Variants in NUDT3 observed in about 807,000 individuals in gnomAD.
The protein encoded by NUDT3 is nudix hydrolase 3, also known as diphosphoinositol polyphosphate phosphohydrolase 1.
NUDT3 carries 9 observed loss-of-function variants against 23.6 expected under a neutral mutation model. The observed-to-expected ratio is 0.38, with a 90% CI of 0.23 to 0.66. NUDT3 has a LOEUF of 0.66. Among genes scored for constraint, NUDT3 ranks in the 30% least tolerant of loss-of-function variants. The probability of loss-of-function intolerance (pLI) is 0.52; values close to 1 mark genes in which losing one functional copy is unlikely to be tolerated. For missense variants in NUDT3, 172 were observed against 218.5 expected (o/e 0.79, Z 1.34); for synonymous variants, 86 against 82.6 (o/e 1.04, Z -0.22).
chr6:34,350,211 T>C (rs538611569), intron 1 of NUDT3, among the ~76,000 whole-genome samples: 1 of 151,114 alleles, frequency 6.6e-6, no homozygotes, highest in East Asian at 1.9e-4. Context: ...ATCAGTTGCA[T>C]ACAGTAAAGC....
chr6:34,392,394 T>C lies in NUDT3; in HGVS notation c.-32A>G. The stretch of plus-strand genomic sequence containing the variant: ...GGCCCGGGTGGGGGTGCGGTGCGGG[T>C]CGCAGGAGTCGAGGGGTGGGGAGCC... On this transcript the variant is annotated 5_prime_UTR_variant, in exon 1 of 5. Coordinates refer to ENST00000607016, the MANE Select transcript of NUDT3 (RefSeq NM_006703.4). 1 of 1,554,688 alleles carries C rather than the reference T, an allele frequency of 6.4e-7. No homozygotes were observed. The highest frequency in any genetic ancestry group is 1.1e-5 in the South Asian group (1 of 87,488).
At chr6:34,295,009 CCT>C (rs1763478610) in intron 3 of NUDT3, among the ~76,000 whole-genome samples, 1 of 152,042 alleles carries the variant, frequency 6.6e-6, no homozygotes, top group African/African-American at 2.4e-5. Flanking sequence ...CCTTGTTTTT[CCT>C]CTCTTTGTTA....
In NUDT3 at chr6:34,281,523, T is replaced by G. The variant is rs899294106; in HGVS notation, c.*7230A>C. On this transcript the variant is annotated 3_prime_UTR_variant, in exon 5 of 5. Transcript: ENST00000607016. ...TTATTCTAACCACCAACCTTTTCTT[T>G]GATTATCAACCAGTTTGACAGTCTT... is the stretch of plus-strand genomic sequence containing the variant. The G allele has an allele frequency of 6.6e-6, 1 of 152,232 alleles. No individual in the cohort carries two copies. The highest frequency in any genetic ancestry group is 1.5e-5 in the Non-Finnish European group (1 of 68,034). 9.4% of individuals were successfully genotyped at this position (152,232 alleles called of 1,614,324 possible). A position where few individuals can be genotyped will look rare whatever the true frequency, so the allele number is the denominator to read the frequency against.
chr6:34,392,434 G>T lies in NUDT3; in HGVS notation c.-72C>A. Reference sequence around the variant, plus strand: ...GGTGGGGAGCCCGCTCTGGACGGCCGCGTGCGCGCGCGCCCCCGGCTCGGC... The same window carrying T: ...GGTGGGGAGCCCGCTCTGGACGGCCTCGTGCGCGCGCGCCCCCGGCTCGGC... On this transcript the variant is annotated 5_prime_UTR_variant, in exon 1 of 5. Transcript: ENST00000607016. The T allele has an allele frequency of 8.9e-7, 1 of 1,125,384 alleles. No individual in the cohort carries two copies. Among genetic ancestry groups the T allele is most frequent in the Non-Finnish European group, 1.3e-6 (1 of 784,942 alleles). 69.7% of individuals were successfully genotyped at this position (1,125,384 alleles called of 1,614,324 possible).
chr6:34,307,732 G>C (rs1211995808), intron 2 of NUDT3, among the ~76,000 whole-genome samples: 1 of 152,050 alleles, frequency 6.6e-6, no homozygotes, highest in Non-Finnish European at 1.5e-5. Flanking sequence ...GGAAGAACAG[G>C]AACAGAGAAC....
chr6:34,329,405 C>T lies in NUDT3; in HGVS notation c.210+12457G>A, dbSNP rs369397094. ...AAGCGATTCTCCTGCCTCAGCCTCCCGAGTAGCTGGGATTACAGGCGCCTG... is the reference window on the plus strand; with the variant it reads ...AAGCGATTCTCCTGCCTCAGCCTCCTGAGTAGCTGGGATTACAGGCGCCTG... On this transcript the variant is annotated intron_variant, in intron 2 of 4. Coordinates refer to ENST00000607016, the MANE Select transcript of NUDT3 (RefSeq NM_006703.4). Among the ~76,000 whole-genome samples the T allele has an allele frequency of 3.9e-5, 6 of 152,192 alleles. No homozygotes were observed. In the South Asian group the frequency reaches 8.3e-4, roughly 21 times the overall value.
At chr6:34,345,069 A>T (rs1201265814) in intron 1 of NUDT3, among the ~76,000 whole-genome samples, 1 of 146,326 alleles carries the variant, frequency 6.8e-6, no homozygotes, top group Non-Finnish European at 1.5e-5. Context: ...TTTCTTTGAG[A>T]CGGAGTTTTG....
intron 1 of NUDT3, among the ~76,000 whole-genome samples, chr6:34,357,035 C>T (rs1378423551): frequency 1.3e-5 from 2 of 152,154 alleles, no homozygotes; most frequent in Non-Finnish European, 2.9e-5. Flanking sequence ...CCTCGGCCTC[C>T]CAAAGTGCTG....
chr6:34,343,120 AC>A (rs934609530), intron 1 of NUDT3, among the ~76,000 whole-genome samples: 5 of 152,178 alleles, frequency 3.3e-5, no homozygotes, highest in Admixed American at 3.3e-4. Context: ...TGGACTGAAA[AC>A]TTGTCTTAAA....
At chr6:34,296,040 G>C (rs929513539) in intron 2 of NUDT3, among the ~76,000 whole-genome samples, 16 of 152,172 alleles carry the variant, frequency 1.1e-4, no homozygotes, top group African/African-American at 3.6e-4. Flanking sequence ...GGCTGAATTG[G>C]GAGGATCGCT....
chr6:34,299,372 T>G (rs1195480371), intron 2 of NUDT3, among the ~76,000 whole-genome samples: 1 of 152,146 alleles, frequency 6.6e-6, no homozygotes, highest in East Asian at 1.9e-4. Flanking sequence ...AGATAATTCT[T>G]TCACCCTTTT....
intron 1 of NUDT3, among the ~76,000 whole-genome samples, chr6:34,385,440 T>C (rs1313678519): frequency 1.3e-5 from 2 of 152,184 alleles, no homozygotes; most frequent in African/African-American, 2.4e-5. Flanking sequence ...TATAAACATG[T>C]AGTTATTTGG....
intron 1 of NUDT3, among the ~76,000 whole-genome samples, chr6:34,351,216 A>AAAAAAAAAAAAAAAAAAAAAAAAAC (rs1561915130): frequency 7.6e-6 from 1 of 130,824 alleles, no homozygotes; most frequent in African/African-American, 3.3e-5. Flanking sequence ...AAAAAAAAAA[A>AAAAAAAAAAAAAAAAAAAAAAAAAC]AAAAAAAAAA....
At chr6:34,296,839 T>C (rs1043537072) in intron 2 of NUDT3, among the ~76,000 whole-genome samples, 1 of 151,786 alleles carries the variant, frequency 6.6e-6, no homozygotes, top group Admixed American at 6.6e-5. Context: ...AACATAAACA[T>C]GGTAATTCTG....
At chr6:34,351,841 C>T (rs555110072) in intron 1 of NUDT3, among the ~76,000 whole-genome samples, 8 of 150,604 alleles carry the variant, frequency 5.3e-5, no homozygotes, top group Admixed American at 2.0e-4. Flanking sequence ...TGCCTCTGTA[C>T]AGTGCAATTG....
chr6:34,323,858 G>C (rs903177479), intron 2 of NUDT3, among the ~76,000 whole-genome samples: 6 of 152,158 alleles, frequency 3.9e-5, no homozygotes, highest in African/African-American at 1.4e-4. Context: ...TGACTGAAAA[G>C]TTCAGAAAAA....
chr6:34,286,739 T>A lies in NUDT3; in HGVS notation c.*2014A>T, dbSNP rs193232087. On this transcript the variant is annotated 3_prime_UTR_variant, in exon 5 of 5. Coordinates refer to ENST00000607016, the MANE Select transcript of NUDT3 (RefSeq NM_006703.4). Reference sequence around the variant, plus strand: ...TGCTCTTTGGCTCTGTGTGTGAAGATTGGGGGAGAGGATGTAAACTAAGAG... The same window carrying A: ...TGCTCTTTGGCTCTGTGTGTGAAGAATGGGGGAGAGGATGTAAACTAAGAG... 2 of 149,918 alleles carry A rather than the reference T, an allele frequency of 1.3e-5. No homozygotes were observed. Among genetic ancestry groups the A allele is most frequent in the Non-Finnish European group, 3.0e-5 (2 of 67,718 alleles). 9.3% of individuals were successfully genotyped at this position (149,918 alleles called of 1,614,324 possible).
chr6:34,338,934 T>C (rs552700238), intron 2 of NUDT3, among the ~76,000 whole-genome samples: 2 of 152,278 alleles, frequency 1.3e-5, no homozygotes, highest in South Asian at 2.1e-4. Flanking sequence ...GGGATAAAAA[T>C]AGTTTACAGA....
intron 1 of NUDT3, among the ~76,000 whole-genome samples, chr6:34,391,861 A>G (rs1299982611): frequency 6.7e-6 from 1 of 149,700 alleles, no homozygotes; most frequent in Non-Finnish European, 1.5e-5. Context: ...CGCCTCGTGC[A>G]CGCCGGCCTC....
Sources: allele counts gnomAD v4.1 joint callset (sites outside exome capture counted in the v4.1 genomes callset), GRCh38; gene constraint gnomAD v4.1.1; transcripts MANE v1.5; gene names NCBI Gene and HGNC (gene_info 2026-07-23, HGNC 2026-07-21).